Variants in POLA2 observed in about 807,000 individuals in gnomAD.
POLA2 encodes DNA polymerase alpha subunit B.
In POLA2, 47 loss-of-function variants were observed where a neutral mutation model predicts 82.8. The ratio of observed to expected loss-of-function variants is 0.57; its 90% CI spans 0.45 to 0.72. POLA2 has a LOEUF of 0.72. Among genes scored for constraint, POLA2 ranks in the 30% least tolerant of loss-of-function variants. The probability of loss-of-function intolerance (pLI) is 0.00; values close to 1 mark genes in which losing one functional copy is unlikely to be tolerated. For missense variants in POLA2, 634 were observed against 728.1 expected, an observed-to-expected ratio of 0.87 and a Z score of 1.49; for synonymous variants, 287 against 286.8, an observed-to-expected ratio of 1.00 and a Z score of -0.01.
At chr11:65,266,472 A>G in intron 1 of POLA2, 110 bp from the exon 2 acceptor site, 2 of 1,159,560 alleles carry the variant, frequency 1.7e-6, no homozygotes, top group South Asian at 2.8e-5. Flanking sequence ...CCTGGCACTA[A>G]TAGATTCTGA....
chr11:65,262,449 T>A, intron 1 of POLA2, 78 bp downstream of exon 1: 1 of 1,216,148 alleles, frequency 8.2e-7, no homozygotes, highest in Non-Finnish European at 1.2e-6. Flanking sequence ...GAACCGAAAG[T>A]GGAGCGCTTC....
intron 10 of POLA2, among the ~76,000 whole-genome samples, chr11:65,284,387 TAGG>T (rs1949672961): frequency 6.6e-6 from 1 of 152,150 alleles, no homozygotes; most frequent in Admixed American, 6.5e-5. Flanking sequence ...GAGGCTGAAG[TAGG>T]AGGATTGCTT....
At chr11:65,299,296 G>A (rs1279431541), downstream of POLA2, among the ~76,000 whole-genome samples, 1 of 152,182 alleles carries the variant, frequency 6.6e-6, no homozygotes, top group East Asian at 1.9e-4. Flanking sequence ...AAATAGTCCC[G>A]AGCTCTTGCC....
chr11:65,269,925 C>G (rs1195052255), intron 4 of POLA2, among the ~76,000 whole-genome samples: 1 of 152,318 alleles, frequency 6.6e-6, no homozygotes, highest in African/African-American at 2.4e-5. Context: ...ACCTCCGCCT[C>G]CCGGGTTCAA....
chr11:65,290,663 C>T (rs1565489310), intron 13 of POLA2, among the ~76,000 whole-genome samples: 1 of 152,218 alleles, frequency 6.6e-6, no homozygotes, highest in African/African-American at 2.4e-5. Flanking sequence ...ACATACTTGA[C>T]AAGGCTGCAT....
At chr11:65,273,602 A>G (rs1230506250) in intron 4 of POLA2, among the ~76,000 whole-genome samples, 11 of 152,170 alleles carry the variant, frequency 7.2e-5, no homozygotes, top group Admixed American at 6.6e-5. Context: ...GTATATTAGG[A>G]GAATCTTTTG....
chr11:65,271,840 A>G (rs1271810461), intron 4 of POLA2, among the ~76,000 whole-genome samples: 2 of 102,458 alleles, frequency 2.0e-5, no homozygotes, highest in South Asian at 3.3e-4. Context: ...CTCCGTCTGA[A>G]AAAAAAAAAA....
chr11:65,298,147 C>A lies in POLA2; in HGVS notation c.*878C>A. 6.6e-6 allele frequency: 1 copy of A among 152,610 alleles called. No individual in the cohort carries two copies. Among genetic ancestry groups the A allele is most frequent in the Non-Finnish European group, 1.5e-5 (1 of 68,258 alleles). The allele number at this position is 152,610 out of a possible 1,614,324, so 9.5% of individuals were successfully genotyped here. On this transcript the variant is annotated 3_prime_UTR_variant, in exon 18 of 18. Transcript: ENST00000265465. ...GCTGCAGAGGTGCACTGGGTGGGCC[C>A]TAGAGCTGGGCTGCAGAGCAAGCAA...
At chr11:65,299,623 C>T (rs1200446419), downstream of POLA2, among the ~76,000 whole-genome samples, 1 of 152,216 alleles carries the variant, frequency 6.6e-6, no homozygotes, top group Non-Finnish European at 1.5e-5. Flanking sequence ...GACCTCAGGG[C>T]ACCCGGCCCA....
chr11:65,296,175 A>C, intron 17 of POLA2, 185 bp downstream of exon 17: 1 of 638,864 alleles, frequency 1.6e-6, no homozygotes, highest in Non-Finnish European at 2.8e-6. Context: ...CTGTCAGTAA[A>C]ATGCTTGAGT....
At position 65,267,547 on chromosome 11, in the gene POLA2, A is replaced by G; in HGVS notation, c.275A>G (p.Asp92Gly). ...GACAGTGGCCATGCAGGAGCTAGAGACATTGTTTCCATTCAAGAGCTGTAT... is the reference window on the plus strand; with the variant it reads ...GACAGTGGCCATGCAGGAGCTAGAGGCATTGTTTCCATTCAAGAGCTGTAT... ...CKDSGHAGAR[D>G]IVSIQELIEV... Residue 92 changes from aspartate (D) to glycine (G), a missense_variant, in exon 3 of 18, where the codon GAC (aspartate) becomes GGC (glycine). By Grantham distance (94) the Asp-to-Gly change is moderately conservative. Transcript: ENST00000265465. 1 of 1,609,378 alleles carries G rather than the reference A, an allele frequency of 6.2e-7. No individual in the cohort carries two copies. The highest frequency in any genetic ancestry group is 8.5e-7 in the Non-Finnish European group (1 of 1,176,834).
At chr11:65,273,866 GA>G (rs1446086616) in intron 4 of POLA2, among the ~76,000 whole-genome samples, 1 of 151,922 alleles carries the variant, frequency 6.6e-6, no homozygotes. Context: ...CTCTTCTGAA[GA>G]AATAATTCAA....
chr11:65,288,927 A>G, intron 11 of POLA2, 123 bp from the exon 12 acceptor site: 1 of 866,634 alleles, frequency 1.2e-6, no homozygotes, highest in Non-Finnish European at 1.9e-6. Context: ...CAGGCTCTAC[A>G]GGCAGCCTTG....
chr11:65,285,987 G>C (rs1054891708), intron 10 of POLA2, among the ~76,000 whole-genome samples: 5 of 152,134 alleles, frequency 3.3e-5, no homozygotes, highest in African/African-American at 9.7e-5. Context: ...GGAATCCCTG[G>C]AACCTGTGAA....
rs1294987727 is a variant in POLA2 at position 65,269,486 on chromosome 11, CAAAA to C, written c.354+771_354+774del. On this transcript the variant is annotated intron_variant, in intron 4 of 17. Transcript: ENST00000265465. ...TGGGCGACAGAGCGAGACTCCGTCT[CAAAA>C]AAAAAAAAAAAAACAACAACAACAA... 1.7e-4 allele frequency among the ~76,000 whole-genome samples: 17 copies of C among 100,018 alleles called. No homozygotes were observed. The South Asian group carries it at 5.0e-3, about 29-fold the overall frequency. The allele number at this position is 100,018 out of a possible 152,430, so 65.6% of individuals were successfully genotyped here.
chr11:65,275,999 G>T lies in POLA2; in HGVS notation c.461+1G>T. The T allele has an allele frequency of 1.3e-6, 2 of 1,571,006 alleles. No homozygotes were observed. Among genetic ancestry groups the T allele is most frequent in the Non-Finnish European group, 1.7e-6 (2 of 1,149,278 alleles). Reference sequence around the variant, plus strand: ...TCTCACCGTCAAGTTTCTCTCCAAGGTATGGATCATAATTCATTCAAGTGC... The same window carrying T: ...TCTCACCGTCAAGTTTCTCTCCAAGTTATGGATCATAATTCATTCAAGTGC... On this transcript the variant is annotated splice_donor_variant, in intron 5 of 17. Coordinates refer to ENST00000265465, the MANE Select transcript of POLA2 (RefSeq NM_002689.4). LOFTEE classifies it high-confidence loss of function.
rs769151700 is a variant in POLA2, at chr11:65,266,666, T to C, written c.164T>C (p.Val55Ala). 2.5e-6 allele frequency: 4 copies of C among 1,614,156 alleles called. No individual in the cohort carries two copies. The highest frequency in any genetic ancestry group is 3.4e-6 in the Non-Finnish European group (4 of 1,179,990). Reference protein sequence around the residue: ...LIAFCTSTHKVGLTSEILNSF... With the variant: ...LIAFCTSTHKAGLTSEILNSF... ...GCCTTCTGCACCAGCACACATAAAG[T>C]TGGCCTTACCTCAGAGATCCTGAAC... The change falls in exon 2 of 18, where the codon GTT becomes GCT. Residue 55 changes from valine to alanine, a missense_variant. Val to Ala is a moderately conservative substitution (Grantham distance 64). Coordinates refer to ENST00000265465, the MANE Select transcript of POLA2 (RefSeq NM_002689.4).
intron 15 of POLA2, among the ~76,000 whole-genome samples, 194 bp from the exon 16 acceptor site, chr11:65,295,346 T>C (rs1229369215): frequency 1.3e-5 from 2 of 152,194 alleles, no homozygotes; most frequent in Non-Finnish European, 2.9e-5. Flanking sequence ...CCTGGTGTCC[T>C]GCGTCCCTCC....
Position 65,262,227 on chromosome 11 carries a change from C to G in POLA2, c.-66C>G, listed in dbSNP as rs1949405504. ...CGAGGAGCTCATCGCTCGCCACCCCCGTGGGCTTCTTGGGCGCAGGTCGGA... is the reference window on the plus strand; with the variant it reads ...CGAGGAGCTCATCGCTCGCCACCCCGGTGGGCTTCTTGGGCGCAGGTCGGA... On this transcript the variant is annotated 5_prime_UTR_variant, in exon 1 of 18. Coordinates refer to ENST00000265465, the MANE Select transcript of POLA2 (RefSeq NM_002689.4). 1.2e-5 allele frequency: 16 copies of G among 1,293,352 alleles called. No individual in the cohort carries two copies. The highest frequency in any genetic ancestry group is 2.4e-4 in the Middle Eastern group (1 of 4,166). The allele number at this position is 1,293,352 out of a possible 1,614,324, so 80.1% of individuals were successfully genotyped here.
Sources: gnomAD v4.1 joint callset for allele counts (sites outside exome capture counted in the v4.1 genomes callset) on GRCh38, gnomAD v4.1.1 for gene constraint, MANE v1.5 for transcripts, NCBI Gene and HGNC (gene_info 2026-07-23, HGNC 2026-07-21) for gene names.